NELL1: variants seen among roughly 807,000 people sequenced by gnomAD.
The protein encoded by NELL1 is neural EGFL like 1, also known as protein kinase C-binding protein NELL1.
A neutral mutation model predicts 107.4 loss-of-function variants in NELL1; 76 were observed. The ratio of observed to expected loss-of-function variants is 0.71; its 90% CI spans 0.59 to 0.86. The LOEUF (loss-of-function observed/expected upper bound fraction) is 0.86. Ranked by LOEUF, NELL1 falls within the 40% of genes least tolerant of loss-of-function variation. The pLI is 0.00. For synonymous variants in NELL1, 353 were observed against 341.2 expected, an observed-to-expected ratio of 1.03 and a Z score of -0.38; for missense variants, 1,024 against 1,005.5, an observed-to-expected ratio of 1.02 and a Z score of -0.25.
In NELL1 at chr11:20,753,648, G is replaced by C. The variant is rs139189119; in HGVS notation, c.185-30032G>C. Among the ~76,000 whole-genome samples the C allele has an allele frequency of 3.9e-3, 595 of 152,276 alleles. 1 individual carries two copies. The highest frequency in any genetic ancestry group is 0.014 in the African/African-American group (565 of 41,568). ...CAATTCAAAATGGCTTAAGTAAAAG[G>C]GAGAAATTAATTAGCTCTTGTTATT... is the stretch of plus-strand genomic sequence containing the variant. On this transcript the variant is annotated intron_variant, in intron 2 of 19. Coordinates refer to ENST00000357134, the MANE Select transcript of NELL1 (RefSeq NM_006157.5).
intron 5 of NELL1, among the ~76,000 whole-genome samples, chr11:20,912,348 A>C (rs1287342018): frequency 6.6e-6 from 1 of 152,144 alleles, no homozygotes; most frequent in African/African-American, 2.4e-5. Flanking sequence ...CATTTGAGAA[A>C]AGCTGGCCAG....
chr11:20,993,892 CAAAAAA>C (rs66593988), intron 12 of NELL1, among the ~76,000 whole-genome samples: 36 of 124,866 alleles, frequency 2.9e-4, no homozygotes, highest in African/African-American at 9.7e-4. Flanking sequence ...TCTTTGTTGC[CAAAAAA>C]AAAAAAAAAA....
chr11:20,687,090 T>G (rs1489670661), intron 2 of NELL1, among the ~76,000 whole-genome samples: 1 of 151,374 alleles, frequency 6.6e-6, no homozygotes, highest in Non-Finnish European at 1.5e-5. Context: ...TTATATTTAG[T>G]ATGAGTGACT....
At chr11:20,938,527 T>G (rs1282682768) in intron 10 of NELL1, among the ~76,000 whole-genome samples, 1 of 152,098 alleles carries the variant, frequency 6.6e-6, no homozygotes, top group African/African-American at 2.4e-5. Context: ...TAGAGAGGTC[T>G]GAGTTGGGGA....
chr11:21,340,418 C>T (rs1413921363), intron 14 of NELL1, among the ~76,000 whole-genome samples: 2 of 152,156 alleles, frequency 1.3e-5, no homozygotes, highest in East Asian at 3.9e-4. Context: ...TCCCAAAGTG[C>T]TGGGATTACA....
intron 3 of NELL1, among the ~76,000 whole-genome samples, chr11:20,812,946 C>T (rs373079201): frequency 1.0e-3 from 138 of 133,454 alleles, no homozygotes; most frequent in African/African-American, 3.7e-3. Context: ...GGGGCGGAGC[C>T]TGCAGTGAGC....
At chr11:20,783,519 A>C in intron 2 of NELL1, 161 bp from the exon 3 acceptor site, 3 of 545,800 alleles carry the variant, frequency 5.5e-6, no homozygotes, top group Non-Finnish European at 9.6e-6. Context: ...GGAAAATGAA[A>C]CTTGCAATCT....
chr11:21,229,044 C>T (rs1225719712), intron 13 of NELL1, among the ~76,000 whole-genome samples: 2 of 151,924 alleles, frequency 1.3e-5, no homozygotes, highest in African/African-American at 4.8e-5. Flanking sequence ...CTGTGAAAAC[C>T]TTTTTAGAAG....
chr11:20,736,586 T>G (rs955646850), intron 2 of NELL1, among the ~76,000 whole-genome samples: 8 of 152,204 alleles, frequency 5.3e-5, no homozygotes, highest in Non-Finnish European at 1.2e-4. Context: ...TATTGTCCAT[T>G]GTCTAAAATA....
chr11:21,038,618 A>G (rs1377839651), intron 12 of NELL1, among the ~76,000 whole-genome samples: 2 of 152,134 alleles, frequency 1.3e-5, no homozygotes, highest in East Asian at 3.9e-4. Context: ...TTTCCTGACC[A>G]TCCTGGTCTC....
chr11:21,364,562 A>T (rs1000798180), intron 14 of NELL1, among the ~76,000 whole-genome samples: 5 of 152,142 alleles, frequency 3.3e-5, no homozygotes, highest in African/African-American at 9.7e-5. Flanking sequence ...TTTATAAATG[A>T]TATAGAATAG....
intron 14 of NELL1, among the ~76,000 whole-genome samples, chr11:21,237,214 T>G (rs1474077378): frequency 6.6e-6 from 1 of 152,078 alleles, no homozygotes; most frequent in Non-Finnish European, 1.5e-5. Flanking sequence ...ACCTGTACCT[T>G]GAGACTGTAG....
chr11:20,735,219 A>T (rs1311130032), intron 2 of NELL1, among the ~76,000 whole-genome samples: 2 of 152,164 alleles, frequency 1.3e-5, no homozygotes, highest in Non-Finnish European at 2.9e-5. Context: ...TGAGGACTAA[A>T]AATTGTCCAA....
chr11:21,486,780 A>T (rs1854644831), intron 15 of NELL1, among the ~76,000 whole-genome samples: 1 of 152,278 alleles, frequency 6.6e-6, no homozygotes, highest in South Asian at 2.1e-4. Context: ...GGATATTTTT[A>T]AAAAGAAGCA....
chr11:21,411,996 G>A (rs1274146210), intron 15 of NELL1, among the ~76,000 whole-genome samples: 2 of 152,014 alleles, frequency 1.3e-5, no homozygotes. Flanking sequence ...CTAGACTTTT[G>A]TGTGTGAGTT....
chr11:21,070,794 T>C (rs774191971), intron 12 of NELL1, among the ~76,000 whole-genome samples: 15 of 152,182 alleles, frequency 9.9e-5, no homozygotes, highest in Non-Finnish European at 8.8e-5. Flanking sequence ...AATCATTGTC[T>C]GAGATTTGAG....
intron 12 of NELL1, among the ~76,000 whole-genome samples, chr11:21,053,919 CAATAAG>C (rs566493807): frequency 1.1e-4 from 16 of 152,102 alleles, no homozygotes; most frequent in Admixed American, 1.3e-4. Context: ...GAAATCTAAA[CAATAAG>C]AATAACAACA....
At chr11:21,458,321 G>C (rs946883028) in intron 15 of NELL1, among the ~76,000 whole-genome samples, 1 of 152,086 alleles carries the variant, frequency 6.6e-6, no homozygotes, top group Non-Finnish European at 1.5e-5. Flanking sequence ...TGTGTGTAAA[G>C]AGCCTGAAAA....
chr11:21,418,682 A>G (rs1420873923), intron 15 of NELL1, among the ~76,000 whole-genome samples: 1 of 152,134 alleles, frequency 6.6e-6, no homozygotes, highest in Non-Finnish European at 1.5e-5. Flanking sequence ...TGATAACATC[A>G]AGCTTGCCTA....
Sources: allele counts gnomAD v4.1 joint callset (sites outside exome capture counted in the v4.1 genomes callset), GRCh38; gene constraint gnomAD v4.1.1; transcripts MANE v1.5; gene names NCBI Gene and HGNC (gene_info 2026-07-23, HGNC 2026-07-21).